HDAC4: variants seen among roughly 807,000 people sequenced by gnomAD.
HDAC4 encodes the protein histone deacetylase 4, also known as histone deacetylase A.
In HDAC4, 16 loss-of-function variants were observed where a neutral mutation model predicts 135.1. The observed-to-expected ratio is 0.12, with a 90% CI of 0.08 to 0.18. HDAC4 has a LOEUF of 0.18. HDAC4 is among the 10% of genes least tolerant of loss of function. The pLI, the probability that HDAC4 is intolerant of heterozygous loss-of-function variation, is 1.00. For synonymous variants in HDAC4, 685 were observed against 653.4 expected (o/e 1.05, Z -0.74); for missense variants, 1,143 against 1,511.8 (o/e 0.76, Z 4.05).
At chr2:239,130,637 C>T (rs1480784249) in intron 11 of HDAC4, among the ~76,000 whole-genome samples, 3 of 152,198 alleles carry the variant, frequency 2.0e-5, no homozygotes, top group Non-Finnish European at 4.4e-5. Flanking sequence ...CATCTCCCTC[C>T]ACCTGTGCCC....
At position 239,306,636 on chromosome 2, in the gene HDAC4, T is replaced by G. The variant is rs1161182391; in HGVS notation, c.22+46042A>C. ...AGGCACTACATCAGGCACCCCATGT[T>G]CCCCCTATATGCCCCCCACACTGCC... On this transcript the variant is annotated intron_variant, in intron 2 of 26. Transcript: ENST00000543185. The surrounding 1 kb of genome is among the most constrained non-coding windows in gnomAD (Gnocchi z 4.5). 1.3e-5 allele frequency among the ~76,000 whole-genome samples: 2 copies of G among 151,662 alleles called. No individual in the cohort carries two copies. The highest frequency in any genetic ancestry group is 2.9e-5 in the Non-Finnish European group (2 of 67,910).
intron 4 of HDAC4, among the ~76,000 whole-genome samples, chr2:239,181,457 G>A (rs886362134): frequency 6.6e-6 from 1 of 152,274 alleles, no homozygotes; most frequent in African/African-American, 2.4e-5. Flanking sequence ...CGCAGGAGGG[G>A]CAGGGAGGGC....
intron 2 of HDAC4, among the ~76,000 whole-genome samples, chr2:239,265,000 C>T (rs1025964685): frequency 1.4e-4 from 21 of 152,322 alleles, no homozygotes; most frequent in African/African-American, 4.1e-4. Context: ...CCCTGCAGAG[C>T]AGGGCAGGCC....
chr2:239,168,856 A>T (rs963861009), intron 5 of HDAC4, among the ~76,000 whole-genome samples: 1 of 152,224 alleles, frequency 6.6e-6, no homozygotes, highest in Admixed American at 6.5e-5. Context: ...TTTATTATTA[A>T]TAATAAAATC....
At chr2:239,095,351 G>A (rs2036921574) in intron 16 of HDAC4, among the ~76,000 whole-genome samples, 1 of 152,180 alleles carries the variant, frequency 6.6e-6, no homozygotes, top group Admixed American at 6.5e-5. Flanking sequence ...CCACTGGGGA[G>A]CACGAGGTAC....
At chr2:239,169,622 G>A (rs2043327210) in intron 5 of HDAC4, among the ~76,000 whole-genome samples, 1 of 152,230 alleles carries the variant, frequency 6.6e-6, no homozygotes, top group South Asian at 2.1e-4. Context: ...CAAGAACACT[G>A]CCAGCCGGGT....
chr2:239,280,097 C>T (rs2125346372), intron 2 of HDAC4, among the ~76,000 whole-genome samples: 1 of 152,252 alleles, frequency 6.6e-6, no homozygotes, highest in Non-Finnish European at 1.5e-5. Context: ...ACTGGCCATG[C>T]TGATGAAATC....
At chr2:239,180,046 C>T (rs779338304) in intron 4 of HDAC4, among the ~76,000 whole-genome samples, 8 of 152,188 alleles carry the variant, frequency 5.3e-5, no homozygotes, top group East Asian at 1.9e-4. Context: ...GGCAAGGTGA[C>T]GGGGGCAGGC....
At chr2:239,053,307 G>C (rs1574833306) in intron 26 of HDAC4, among the ~76,000 whole-genome samples, 153 bp downstream of exon 26, 1 of 152,230 alleles carries the variant, frequency 6.6e-6, no homozygotes, top group African/African-American at 2.4e-5. Flanking sequence ...GCGTCTCTAA[G>C]GGGCTTTGGC....
chr2:239,189,981 G>C lies in HDAC4; in HGVS notation c.191C>G (p.Pro64Arg). 1 of 1,607,436 alleles carries C rather than the reference G, an allele frequency of 6.2e-7. No individual in the cohort carries two copies. Among genetic ancestry groups the C allele is most frequent in the Non-Finnish European group, 8.5e-7 (1 of 1,179,892 alleles). The part of the protein sequence containing the change: ...DHQFSLPVAE[P>R]ALREQQLQQE... ...CTGCAGCTGCTGCTCCCGCAGGGCC[G>C]GCTCTGCCACAGGCAGTGAGAACTG... Residue 64 changes from proline (P) to arginine (R), a missense_variant, in exon 4 of 27, where the codon CCG becomes CGG. Physicochemically the swap from Pro to Arg is moderately radical, Grantham distance 103. Transcript: ENST00000543185.
intron 1 of HDAC4, among the ~76,000 whole-genome samples, chr2:239,367,991 A>G (rs1332912688): frequency 6.6e-6 from 1 of 152,138 alleles, no homozygotes; most frequent in Admixed American, 6.5e-5. Flanking sequence ...ATAAATAAAT[A>G]AATAAATAAA....
intron 1 of HDAC4, among the ~76,000 whole-genome samples, chr2:239,393,123 T>A (rs1302068706): frequency 6.6e-6 from 1 of 152,124 alleles, no homozygotes; most frequent in Admixed American, 6.5e-5. Context: ...ACCCCCGGCG[T>A]GTGAGCCACC....
intron 2 of HDAC4, among the ~76,000 whole-genome samples, chr2:239,310,553 C>T (rs2052825850): frequency 6.6e-6 from 1 of 152,246 alleles, no homozygotes; most frequent in Non-Finnish European, 1.5e-5. Context: ...TAGGGCAGGA[C>T]TGCCAGGCAG....
At chr2:239,356,675 T>A (rs1559381954) in intron 1 of HDAC4, among the ~76,000 whole-genome samples, 1 of 152,224 alleles carries the variant, frequency 6.6e-6, no homozygotes, top group Non-Finnish European at 1.5e-5. Context: ...GACCACTTCA[T>A]AATGATAAAG....
At chr2:239,324,882 C>T (rs942659234) in intron 2 of HDAC4, among the ~76,000 whole-genome samples, 9 of 152,162 alleles carry the variant, frequency 5.9e-5, no homozygotes, top group Non-Finnish European at 8.8e-5. Flanking sequence ...GAGTCTACAC[C>T]GACCTGGGAA....
At chr2:239,124,279 C>T (rs569081123) in intron 12 of HDAC4, among the ~76,000 whole-genome samples, 8 of 152,354 alleles carry the variant, frequency 5.3e-5, no homozygotes, top group African/African-American at 1.2e-4. Flanking sequence ...TAAGAAGAGG[C>T]GCTGTTCCCC....
At chr2:239,156,427 C>T (rs2042427882) in intron 7 of HDAC4, among the ~76,000 whole-genome samples, 1 of 152,224 alleles carries the variant, frequency 6.6e-6, no homozygotes, top group Non-Finnish European at 1.5e-5. Context: ...TTTGAGTGTT[C>T]AGCAGTGGTG....
intron 2 of HDAC4, among the ~76,000 whole-genome samples, chr2:239,249,673 C>T (rs1247879817): frequency 1.3e-5 from 2 of 152,038 alleles, no homozygotes; most frequent in Non-Finnish European, 2.9e-5. Flanking sequence ...ATTTCAGCAG[C>T]ATCCTTTACT....
intron 1 of HDAC4, among the ~76,000 whole-genome samples, chr2:239,368,256 C>A (rs1436462768): frequency 6.6e-6 from 1 of 152,076 alleles, no homozygotes; most frequent in Admixed American, 6.5e-5. Flanking sequence ...CCTTCGGAGA[C>A]ACAGGAGGGC....
Sources: gnomAD v4.1 joint callset for allele counts (sites outside exome capture counted in the v4.1 genomes callset) on GRCh38, gnomAD v4.1.1 for gene constraint, Gnocchi (gnomAD v3.1) non-coding constraint, MANE v1.5 for transcripts, NCBI Gene and HGNC (gene_info 2026-07-23, HGNC 2026-07-21) for gene names.